BRMS1L: variants seen among roughly 807,000 people sequenced by gnomAD.
The protein encoded by BRMS1L is breast cancer metastasis-suppressor 1-like protein.
In BRMS1L, 23 loss-of-function variants were observed where a neutral mutation model predicts 50.3. That is an observed-to-expected ratio of 0.46 (90% CI 0.33 to 0.65). BRMS1L has a LOEUF of 0.65. BRMS1L is among the 30% of genes least tolerant of loss of function. The pLI is 0.02. For missense variants in BRMS1L, 286 were observed against 386.1 expected (o/e 0.74, Z 2.17); for synonymous variants, 114 against 126.9 (o/e 0.90, Z 0.69).
At chr14:35,863,174 T>C (rs1566429736) in intron 5 of BRMS1L, among the ~76,000 whole-genome samples, 1 of 152,190 alleles carries the variant, frequency 6.6e-6, no homozygotes, top group African/African-American at 2.4e-5. Context: ...AAGACTGTTA[T>C]GTGGAAGAAG....
intron 1 of BRMS1L, 91 bp downstream of exon 1, chr14:35,826,749 A>C (rs899745795): frequency 1.3e-6 from 2 of 1,532,798 alleles, no homozygotes; most frequent in African/African-American, 1.4e-5. Flanking sequence ...CCTGCTGGGA[A>C]AGCGGGGCGG....
rs951521422 is a variant in BRMS1L at position 35,871,389 on chromosome 14, A to G, written c.*912A>G. ...AGACAGGGATTATTTCCTTGAATCT[A>G]TTTCCAAATTAATATTTTTTTCTTT... On this transcript the variant is annotated 3_prime_UTR_variant, in exon 10 of 10. Coordinates refer to ENST00000216807, the MANE Select transcript of BRMS1L (RefSeq NM_032352.4). 5 of 152,622 alleles carry G rather than the reference A, an allele frequency of 3.3e-5. No individual in the cohort carries two copies. The highest frequency in any genetic ancestry group is 7.2e-5 in the African/African-American group (3 of 41,440). The allele number at this position is 152,622 out of a possible 1,614,324, so 9.5% of individuals were successfully genotyped here. A position where few individuals can be genotyped will look rare whatever the true frequency, so the allele number is the denominator to read the frequency against.
At chr14:35,832,301 G>A (rs534625821) in intron 2 of BRMS1L, among the ~76,000 whole-genome samples, 6 of 148,544 alleles carry the variant, frequency 4.0e-5, no homozygotes, top group African/African-American at 1.5e-4. Flanking sequence ...TCAGGAGATC[G>A]AGACCATCCT....
At chr14:35,865,043 T>C (rs2078403446) in intron 7 of BRMS1L, 44 bp downstream of exon 7, 1 of 1,349,434 alleles carries the variant, frequency 7.4e-7, no homozygotes, top group South Asian at 1.4e-5. Context: ...TTTTATAGTC[T>C]ACTTTTTAAG....
intron 8 of BRMS1L, among the ~76,000 whole-genome samples, chr14:35,867,266 T>G (rs979936901): frequency 4.6e-5 from 7 of 152,354 alleles, no homozygotes; most frequent in Non-Finnish European, 2.9e-5. Flanking sequence ...CTAAAAGAAC[T>G]GTGCAGTTGA....
At chr14:35,858,422 A>G (rs1158259915) in intron 4 of BRMS1L, among the ~76,000 whole-genome samples, 1 of 152,028 alleles carries the variant, frequency 6.6e-6, no homozygotes, top group African/African-American at 2.4e-5. Context: ...TTTTCTCCTT[A>G]AGTTTGGTAG....
chr14:35,846,624 A>G (rs959370434), intron 4 of BRMS1L, among the ~76,000 whole-genome samples: 37 of 152,206 alleles, frequency 2.4e-4, no homozygotes, highest in African/African-American at 8.7e-4. Flanking sequence ...TGCAACTGGC[A>G]GAAAAATCCC....
At chr14:35,843,012 G>C (rs571510447) in intron 4 of BRMS1L, among the ~76,000 whole-genome samples, 1 of 152,290 alleles carries the variant, frequency 6.6e-6, no homozygotes, top group African/African-American at 2.4e-5. Context: ...CTCATGCTGT[G>C]TTTTTCAGCT....
At chr14:35,860,960 G>A (rs1196975908) in intron 4 of BRMS1L, among the ~76,000 whole-genome samples, 1 of 152,114 alleles carries the variant, frequency 6.6e-6, no homozygotes, top group East Asian at 1.9e-4. Flanking sequence ...ATTGAACATA[G>A]AAAACTCCAC....
intron 5 of BRMS1L, 59 bp downstream of exon 5, chr14:35,862,745 G>C: frequency 9.0e-7 from 1 of 1,114,112 alleles, no homozygotes; most frequent in South Asian, 1.5e-5. Flanking sequence ...GTTTACTGTA[G>C]TGTCATATCG....
chr14:35,833,971 T>C (rs931530143), intron 3 of BRMS1L, among the ~76,000 whole-genome samples: 21 of 152,164 alleles, frequency 1.4e-4, no homozygotes, highest in African/African-American at 5.1e-4. Flanking sequence ...AGTAAAAATA[T>C]CCCTAATTTT....
At chr14:35,855,546 C>T (rs1205367603) in intron 4 of BRMS1L, among the ~76,000 whole-genome samples, 3 of 152,122 alleles carry the variant, frequency 2.0e-5, no homozygotes, top group Non-Finnish European at 4.4e-5. Context: ...CATTGGTCTT[C>T]TTCTCTTCTA....
chr14:35,859,490 C>T (rs1051045412), intron 4 of BRMS1L, among the ~76,000 whole-genome samples: 2 of 152,282 alleles, frequency 1.3e-5, no homozygotes, highest in African/African-American at 4.8e-5. Flanking sequence ...GATTCCTGAT[C>T]CTTTGTACAT....
At chr14:35,869,565 A>C (rs1249028243) in intron 9 of BRMS1L, among the ~76,000 whole-genome samples, 1 of 151,978 alleles carries the variant, frequency 6.6e-6, no homozygotes, top group Non-Finnish European at 1.5e-5. Flanking sequence ...ATAAATAATT[A>C]GGCCGGGTGC....
chr14:35,848,330 A>G (rs971628089), intron 4 of BRMS1L, among the ~76,000 whole-genome samples: 4 of 152,008 alleles, frequency 2.6e-5, no homozygotes, highest in Non-Finnish European at 5.9e-5. Flanking sequence ...TATACAATAC[A>G]TTATTATTAT....
At chr14:35,839,438 T>C (rs1767852365) in intron 4 of BRMS1L, among the ~76,000 whole-genome samples, 1 of 152,254 alleles carries the variant, frequency 6.6e-6, no homozygotes, top group Non-Finnish European at 1.5e-5. Context: ...CAGAATAGCA[T>C]TGAATCTTTA....
chr14:35,848,571 T>A (rs2078167213), intron 4 of BRMS1L, among the ~76,000 whole-genome samples: 1 of 152,142 alleles, frequency 6.6e-6, no homozygotes, highest in African/African-American at 2.4e-5. Context: ...TCCCCCTGTC[T>A]AACTGAAATT....
rs77834824 is a variant in BRMS1L at position 35,871,018 on chromosome 14, C to G, written c.*541C>G. The G allele has an allele frequency of 6.6e-6, 1 of 152,546 alleles. No homozygotes were observed. The highest frequency in any genetic ancestry group is 2.4e-5 in the African/African-American group (1 of 41,428). The allele number at this position is 152,546 out of a possible 1,614,324, so 9.4% of individuals were successfully genotyped here. On this transcript the variant is annotated 3_prime_UTR_variant, in exon 10 of 10. Transcript: ENST00000216807. ...CCATACCTTACAATCTTGTTTTACC[C>G]AAAATTAAGCTATTGGGGTTGAAAG... is the stretch of plus-strand genomic sequence containing the variant.
At chr14:35,834,324 C>A (rs2077964417) in intron 3 of BRMS1L, among the ~76,000 whole-genome samples, 1 of 152,058 alleles carries the variant, frequency 6.6e-6, no homozygotes, top group Non-Finnish European at 1.5e-5. Context: ...TAGATAAAGT[C>A]CTGTCAGGAG....
Sources: gnomAD v4.1 joint callset for allele counts (sites outside exome capture counted in the v4.1 genomes callset) on GRCh38, gnomAD v4.1.1 for gene constraint, MANE v1.5 for transcripts, NCBI Gene and HGNC (gene_info 2026-07-23, HGNC 2026-07-21) for gene names.